TYW1B: variants seen among roughly 807,000 people sequenced by gnomAD.
TYW1B encodes S-adenosyl-L-methionine-dependent tRNA 4-demethylwyosine synthase TYW1B.
In TYW1B, 73 loss-of-function variants were observed where a neutral mutation model predicts 86.9. The observed-to-expected ratio is 0.84, with a 90% CI of 0.70 to 1.02. The LOEUF is 1.02. Ranked by LOEUF, TYW1B falls within the 50% of genes least tolerant of loss-of-function variation. TYW1B has a pLI of 0.00. For synonymous variants in TYW1B, 248 were observed against 292.8 expected (o/e 0.85, Z 1.56); for missense variants, 637 against 827.4 (o/e 0.77, Z 2.82).
chr7:72,783,125 G>A (rs1346899798), intron 6 of TYW1B, among the ~76,000 whole-genome samples: 2 of 152,062 alleles, frequency 1.3e-5, no homozygotes, highest in East Asian at 1.9e-4. Context: ...CAGGTCGGAC[G>A]TGGTGGCTCA....
chr7:72,609,937 C>G (rs1315348890), intron 13 of TYW1B, among the ~76,000 whole-genome samples: 1 of 152,100 alleles, frequency 6.6e-6, no homozygotes, highest in Non-Finnish European at 1.5e-5. Context: ...CTGTGGTTCC[C>G]AAGCAGTGGG....
At chr7:72,735,246 T>C (rs1355273807) in intron 8 of TYW1B, among the ~76,000 whole-genome samples, 3 of 152,146 alleles carry the variant, frequency 2.0e-5, no homozygotes, top group Admixed American at 6.6e-5. Flanking sequence ...ATGTGATATA[T>C]ATTCACAATG....
At chr7:72,604,066 A>G (rs782178496) in intron 13 of TYW1B, among the ~76,000 whole-genome samples, 1 of 152,184 alleles carries the variant, frequency 6.6e-6, no homozygotes. Context: ...CCAACATAAG[A>G]TGCTAATAGG....
rs1811693483 is a variant in TYW1B, at chr7:72,602,703, C to T, written c.1785+13969G>A. Reference sequence around the variant, plus strand: ...CAGCATGGCAGCATACATACAGTTTCCACTGAATTTGTATCGCTTTCACAC... The same window carrying T: ...CAGCATGGCAGCATACATACAGTTTTCACTGAATTTGTATCGCTTTCACAC... On this transcript the variant is annotated intron_variant, in intron 13 of 13. Transcript: ENST00000620995. 3.3e-5 allele frequency among the ~76,000 whole-genome samples: 5 copies of T among 152,252 alleles called. No homozygotes were observed. The South Asian group carries it at 1.0e-3, about 32-fold the overall frequency.
chr7:72,765,935 C>T (rs1469005115), intron 7 of TYW1B, among the ~76,000 whole-genome samples: 11 of 152,194 alleles, frequency 7.2e-5, no homozygotes, highest in Admixed American at 7.2e-4. Context: ...TGGAATAAGA[C>T]TTCATATCAT....
At chr7:72,581,542 T>G (rs188166742) in intron 13 of TYW1B, among the ~76,000 whole-genome samples, 454 of 151,926 alleles carry the variant, frequency 3.0e-3, no homozygotes, top group Non-Finnish European at 5.5e-3. Flanking sequence ...CACTGCAACC[T>G]CCACCTCTCG....
At chr7:72,694,659 T>C (rs1253563850) in intron 11 of TYW1B, 28 bp downstream of exon 11, 3 of 1,586,570 alleles carry the variant, frequency 1.9e-6, no homozygotes, top group Non-Finnish European at 2.6e-6. Flanking sequence ...GGGTTGTTTA[T>C]TTATTTTTAA....
intron 7 of TYW1B, among the ~76,000 whole-genome samples, chr7:72,752,383 T>C (rs1003525608): frequency 7.2e-4 from 109 of 152,242 alleles, no homozygotes; most frequent in Non-Finnish European, 1.3e-4. Context: ...ACATTCTGTA[T>C]TAAGGAAATA....
intron 9 of TYW1B, among the ~76,000 whole-genome samples, chr7:72,728,013 C>CA (rs1416024091): frequency 4.0e-5 from 6 of 151,886 alleles, no homozygotes; most frequent in Admixed American, 2.0e-4. Context: ...TCAGGAAATT[C>CA]AAAAAAATGG....
intron 11 of TYW1B, among the ~76,000 whole-genome samples, chr7:72,632,408 TATAC>T (rs1355765659): frequency 8.8e-6 from 1 of 113,728 alleles, no homozygotes; most frequent in African/African-American, 4.1e-5. Context: ...ATAATATATA[TATAC>T]ATATATATAT....
intron 7 of TYW1B, chr7:72,768,865 A>G: frequency 3.2e-6 from 1 of 317,398 alleles, no homozygotes; most frequent in Non-Finnish European, 6.2e-6. Flanking sequence ...CACAAACTCT[A>G]AGAATGGTTT....
chr7:72,737,122 C>T (rs534097004), intron 8 of TYW1B, among the ~76,000 whole-genome samples: 30 of 152,324 alleles, frequency 2.0e-4, no homozygotes, highest in African/African-American at 6.7e-4. Context: ...TTGTTTTATT[C>T]TACAGCTGAG....
In TYW1B at chr7:72,695,204, G is replaced by A. The variant is rs536188162; in HGVS notation, c.1371-382C>T. Among the ~76,000 whole-genome samples the A allele has an allele frequency of 3.3e-5, 5 of 152,266 alleles. No homozygotes were observed. The East Asian group carries it at 9.7e-4, about 29-fold the overall frequency. On this transcript the variant is annotated intron_variant, in intron 10 of 13. Transcript: ENST00000620995. ...CCACACACTCTGCCGACCACATGGGGTCTGTGCTGCTGGGCCACCTCCCTC... is the reference window on the plus strand; with the variant it reads ...CCACACACTCTGCCGACCACATGGGATCTGTGCTGCTGGGCCACCTCCCTC...
At chr7:72,632,285 G>GTATATATATATATATATATATTATATA (rs1239640717) in intron 11 of TYW1B, among the ~76,000 whole-genome samples, 26 of 83,538 alleles carry the variant, frequency 3.1e-4, no homozygotes, top group African/African-American at 1.0e-3. Flanking sequence ...ATATATACGT[G>GTATATATATATATATATATATTATATA]TATATATATA....
intron 10 of TYW1B, among the ~76,000 whole-genome samples, chr7:72,700,666 C>A (rs1171403941): frequency 6.6e-6 from 1 of 152,118 alleles, no homozygotes; most frequent in Non-Finnish European, 1.5e-5. Flanking sequence ...TTCTGGAATT[C>A]CCTTTATAAA....
chr7:72,718,179 T>C (rs1226705115), intron 9 of TYW1B, among the ~76,000 whole-genome samples: 2 of 152,036 alleles, frequency 1.3e-5, no homozygotes, highest in East Asian at 1.9e-4. Flanking sequence ...TACAGGAACA[T>C]GGATGAAGCT....
intron 11 of TYW1B, among the ~76,000 whole-genome samples, chr7:72,644,721 C>T (rs1812883523): frequency 6.6e-6 from 1 of 151,910 alleles, no homozygotes; most frequent in Non-Finnish European, 1.5e-5. Context: ...GAAAAAAATC[C>T]CCACTTTAAT....
At chr7:72,650,117 T>C (rs187579829) in intron 11 of TYW1B, among the ~76,000 whole-genome samples, 1 of 150,248 alleles carries the variant, frequency 6.7e-6, no homozygotes, top group Admixed American at 6.7e-5. Context: ...GGTTTCACCG[T>C]GTTAGCCAGG....
At chr7:72,577,249 T>C (rs1811044648) in intron 13 of TYW1B, among the ~76,000 whole-genome samples, 2 of 151,546 alleles carry the variant, frequency 1.3e-5, no homozygotes, top group African/African-American at 2.4e-5. Flanking sequence ...TATTAAAATA[T>C]GTTGAATTTA....
Sources: gnomAD v4.1 joint callset for allele counts (sites outside exome capture counted in the v4.1 genomes callset) on GRCh38, gnomAD v4.1.1 for gene constraint, MANE v1.5 for transcripts, NCBI Gene and HGNC (gene_info 2026-07-23, HGNC 2026-07-21) for gene names.